VTN: variants seen among roughly 807,000 people sequenced by gnomAD.
The protein encoded by VTN is vitronectin, also known as complement S-protein.
VTN carries 45 observed loss-of-function variants against 55.9 expected under a neutral mutation model. The ratio of observed to expected loss-of-function variants is 0.80; its 90% confidence interval spans 0.63 to 1.03. The LOEUF is 1.03. Among genes scored for constraint, VTN ranks in the 50% least tolerant of loss-of-function variants. The pLI, the probability that VTN is intolerant of heterozygous loss-of-function variation, is 0.00. For synonymous variants in VTN, 238 were observed against 242.3 expected (o/e 0.98, Z 0.17); for missense variants, 589 against 638.2 (o/e 0.92, Z 0.83).
Position 28,368,040 on chromosome 17 carries a change from C to T in VTN, c.999G>A (p.Gln333=). 1 of 1,582,138 alleles carries T rather than the reference C, an allele frequency of 6.3e-7. No individual in the cohort carries two copies. Among genetic ancestry groups the T allele is most frequent in the Non-Finnish European group, 8.6e-7 (1 of 1,163,672 alleles). The change falls in exon 7 of 8, where the codon CAG becomes CAA. Residue 333 remains glutamine (Q), a synonymous_variant. Transcript: ENST00000226218. ...CACCGTGCCAGTCCCGGCTAATGAA[C>T]TGGGGCTGTCTGGTACCAGCTGTGG... ...GRTSAGTRQP[Q]FISRDWHGVP...
rs200008646 is a variant in VTN at position 28,368,946 on chromosome 17, G to A, written c.752C>T (p.Pro251Leu). 197 of 1,603,712 alleles carry A rather than the reference G, an allele frequency of 1.2e-4. No homozygotes were observed. The East Asian group carries it at 2.9e-3, about 23-fold the overall frequency. ...GGCCAAGGCTGCATCCACGTTGTCC[G>A]GGATGCCATCGAAGCCGTCAGAGAT... ...RNISDGFDGIPDNVDAALALP... is the reference protein window; with the variant it reads ...RNISDGFDGILDNVDAALALP... The change falls in exon 5 of 8, where the codon CCG (proline) becomes CTG (leucine). Residue 251 changes from proline to leucine, a missense_variant. By Grantham distance (98) the Pro-to-Leu change is moderately conservative. Around this residue, in one of 3 missense-constraint regions of VTN, gnomAD observed 334 missense variants for 328.2 expected, o/e 1.02. Transcript: ENST00000226218.
At position 28,369,043 on chromosome 17, in the gene VTN, A is replaced by T. The variant is rs781979507; in HGVS notation, c.670-15T>A. ...TACTGACTACCCTAAGAGGTGGGGA[A>T]AGTGAAAAGGGGTATGGAGGCCGCT... On this transcript the variant is annotated splice_polypyrimidine_tract_variant and intron_variant, in intron 4 of 7. Coordinates refer to ENST00000226218, the MANE Select transcript of VTN (RefSeq NM_000638.4). This position sits in a 1 kb window ranked among gnomAD's most constrained non-coding sequence, Gnocchi z 5.3. 1 of 1,573,656 alleles carries T rather than the reference A, an allele frequency of 6.4e-7. No individual in the cohort carries two copies. Among genetic ancestry groups the T allele is most frequent in the East Asian group, 2.2e-5 (1 of 44,578 alleles).
In VTN at chr17:28,369,394, C is replaced by T; in HGVS notation, c.564G>A (p.Val188=). 1 of 1,603,352 alleles carries T rather than the reference C, an allele frequency of 6.2e-7. No individual in the cohort carries two copies. The highest frequency in any genetic ancestry group is 1.1e-5 in the South Asian group (1 of 90,548). Reference sequence around the variant, plus strand: ...GGATGAGCTTGGGGTACCCAGGCCTCACTGCCTTTTCGTCCAGTTCATAGC... The same window carrying T: ...GGATGAGCTTGGGGTACCCAGGCCTTACTGCCTTTTCGTCCAGTTCATAGC... The part of the protein sequence containing the change: ...QYCYELDEKA[V]RPGYPKLIRD... The change falls in exon 4 of 8, where the codon GTG becomes GTA. Residue 188 remains valine, a synonymous_variant. Coordinates refer to ENST00000226218, the MANE Select transcript of VTN (RefSeq NM_000638.4). This position sits in a 1 kb window ranked among gnomAD's most constrained non-coding sequence, Gnocchi z 5.3.
At chr17:28,368,446 G>A (rs111249973) in intron 6 of VTN, 75 bp downstream of exon 6, 17,644 of 1,573,992 alleles carry the variant, frequency 0.011, 121 homozygotes, top group Non-Finnish European at 0.013. Context: ...GCCCCCTCCA[G>A]CCGGCCTGGC....
At position 28,369,640 on chromosome 17, in the gene VTN, A is replaced by G; in HGVS notation, c.396T>C (p.Pro132=). 1.9e-6 allele frequency: 3 copies of G among 1,613,682 alleles called. No homozygotes were observed. The highest frequency in any genetic ancestry group is 2.5e-6 in the Non-Finnish European group (3 of 1,179,982). ...TCTCAGGCCTTGAGTCTATCCCCTC[A>G]GGCTTAGAGGCGCCCACCTCAGGCG... The part of the protein sequence containing the change: ...APAPEVGASK[P]EGIDSRPETL... Residue 132 remains proline, a synonymous_variant, in exon 3 of 8, where the codon CCT becomes CCC. Transcript: ENST00000226218. This position sits in a 1 kb window ranked among gnomAD's most constrained non-coding sequence, Gnocchi z 5.3.
At position 28,368,656 on chromosome 17, in the gene VTN, A is replaced by G. The variant is rs2067927688; in HGVS notation, c.844T>C (p.Tyr282His). The G allele has an allele frequency of 6.2e-7, 1 of 1,613,432 alleles. No homozygotes were observed. The highest frequency in any genetic ancestry group is 8.5e-7 in the Non-Finnish European group (1 of 1,179,940). Reference protein sequence around the residue: ...YFFKGKQYWEYQFQHQPSQEE... With the variant: ...YFFKGKQYWEHQFQHQPSQEE... ...TGACTGGGCTGGTGCTGGAACTGGTACTCCCAGTACTGTTTCCCTGAGGAG... is the reference window on the plus strand; with the variant it reads ...TGACTGGGCTGGTGCTGGAACTGGTGCTCCCAGTACTGTTTCCCTGAGGAG... Residue 282 changes from tyrosine (Y) to histidine (H), a missense_variant, in exon 6 of 8, where the codon TAC (tyrosine) becomes CAC (histidine). By Grantham distance (83) the Tyr-to-His change is moderately conservative. Transcript: ENST00000226218.
chr17:28,367,442 T>C lies in VTN; in HGVS notation c.1364A>G (p.Asp455Gly), dbSNP rs782468195. ...YRVNLRTRRV[D>G]TVDPPYPRSI... ...GCGTGGGTAGGGAGGGTCCACAGTG[T>C]CCACTCGCCGTGTGCGAAGATTGAC... Residue 455 changes from aspartate (D) to glycine (G), a missense_variant, in exon 8 of 8, where the codon GAC becomes GGC. Asp to Gly is a moderately conservative substitution (Grantham distance 94, BLOSUM62 -1). This residue lies in a region of VTN where 334 missense variants were observed against 328.2 expected (regional missense o/e 1.02). Coordinates refer to ENST00000226218, the MANE Select transcript of VTN (RefSeq NM_000638.4). 1 of 1,613,430 alleles carries C rather than the reference T, an allele frequency of 6.2e-7. No homozygotes were observed. Among genetic ancestry groups the C allele is most frequent in the Admixed American group, 1.7e-5 (1 of 59,796 alleles).
chr17:28,368,510 T>C lies in VTN; in HGVS notation c.979+11A>G, dbSNP rs1555583394. 3.1e-6 allele frequency: 5 copies of C among 1,613,182 alleles called. No homozygotes were observed. The highest frequency in any genetic ancestry group is 1.1e-5 in the South Asian group (1 of 91,070). ...TTTGAGGGAGAAGCAAGACTTGCCC[T>C]CTCTCCATACCAGAGGTTCTGCCCC... On this transcript the variant is annotated intron_variant, in intron 6 of 7. Transcript: ENST00000226218.
Position 28,369,218 on chromosome 17 carries a change from C to T in VTN, c.669+71G>A. 6.6e-7 allele frequency: 1 copy of T among 1,523,656 alleles called. No homozygotes were observed. Among genetic ancestry groups the T allele is most frequent in the Non-Finnish European group, 8.8e-7 (1 of 1,135,428 alleles). The allele number at this position is 1,523,656 out of a possible 1,614,324, so 94.4% of individuals were successfully genotyped here. On this transcript the variant is annotated intron_variant, in intron 4 of 7. Coordinates refer to ENST00000226218, the MANE Select transcript of VTN (RefSeq NM_000638.4). The surrounding 1 kb of genome is among the most constrained non-coding windows in gnomAD (Gnocchi z 5.3). ...CCCTGGGTCCAGCTTCCCTGTCCAC[C>T]CTGTCCCTGGGAGCAATAGCTCTCA...
At chr17:28,368,728 T>C in intron 5 of VTN, 55 bp from the exon 6 acceptor site, 1 of 1,609,738 alleles carries the variant, frequency 6.2e-7, no homozygotes. Flanking sequence ...AGACTGGAGA[T>C]CCCAGAGGCT....
Position 28,370,105 on chromosome 17 carries a change from C to T in VTN, c.64+35G>A, listed in dbSNP as rs2067940263. 3 of 1,613,602 alleles carry T rather than the reference C, an allele frequency of 1.9e-6. No individual in the cohort carries two copies. In the East Asian group the frequency reaches 6.7e-5, roughly 36 times the overall value. On this transcript the variant is annotated intron_variant, in intron 1 of 7. Transcript: ENST00000226218. ...GCCCAGACCACCCTCGCCCTCCCTA[C>T]ATTGACCCAGATGGCCACCAACACT...
chr17:28,369,492 C>T lies in VTN; in HGVS notation c.529+15G>A. The T allele has an allele frequency of 6.3e-7, 1 of 1,597,940 alleles. No individual in the cohort carries two copies. The highest frequency in any genetic ancestry group is 8.5e-7 in the Non-Finnish European group (1 of 1,173,010). On this transcript the variant is annotated intron_variant, in intron 3 of 7. Transcript: ENST00000226218. This position sits in a 1 kb window ranked among gnomAD's most constrained non-coding sequence, Gnocchi z 5.3. ...TGGGGCAGACCCGCATCCCCAGTAC[C>T]TGCCCTGGATTCACCTCGGAAGGCA... is the stretch of plus-strand genomic sequence containing the variant.
In VTN at chr17:28,369,467, T is replaced by TG; in HGVS notation, c.529+39dup. 3 of 1,591,114 alleles carry TG rather than the reference T, an allele frequency of 1.9e-6. No homozygotes were observed. Among genetic ancestry groups the TG allele is most frequent in the Non-Finnish European group, 2.6e-6 (3 of 1,167,938 alleles). ...GATGGTGTGAGAGCAGGGACGCTCCTGGGGCAGACCCGCATCCCCAGTACC... is the reference window on the plus strand; with the variant it reads ...GATGGTGTGAGAGCAGGGACGCTCCTGGGGGCAGACCCGCATCCCCAGTACC... On this transcript the variant is annotated intron_variant, in intron 3 of 7. Coordinates refer to ENST00000226218, the MANE Select transcript of VTN (RefSeq NM_000638.4). The surrounding 1 kb of genome is among the most constrained non-coding windows in gnomAD (Gnocchi z 5.3).
Position 28,369,622 on chromosome 17 carries a change from C to G in VTN, c.414G>C (p.Arg138Ser). 6.2e-7 allele frequency: 1 copy of G among 1,613,722 alleles called. No homozygotes were observed. The highest frequency in any genetic ancestry group is 8.5e-7 in the Non-Finnish European group (1 of 1,180,020). Residue 138 changes from arginine to serine, a missense_variant, in exon 3 of 8, where the codon AGG becomes AGC. Arg to Ser is a moderately radical substitution (Grantham distance 110). Around this residue, in one of 3 missense-constraint regions of VTN, gnomAD observed 217 missense variants for 241.3 expected, o/e 0.90. Transcript: ENST00000226218. The surrounding 1 kb of genome is among the most constrained non-coding windows in gnomAD (Gnocchi z 5.3). ...GTCTCCCTGGATGAAGGGTCTCAGG[C>G]CTTGAGTCTATCCCCTCAGGCTTAG... ...GASKPEGIDS[R>S]PETLHPGRPQ...
In VTN at chr17:28,370,197, G is replaced by T; in HGVS notation, c.7C>A (p.Pro3Thr). The change falls in exon 1 of 8, where the codon CCC becomes ACC. Residue 3 changes from proline to threonine, a missense_variant. Pro to Thr is a conservative substitution (Grantham distance 38). Transcript: ENST00000226218. MA[P>T]LRPLLILALL... Reference sequence around the variant, plus strand: ...GCCAGTATGAGAAGGGGTCTCAGGGGTGCCATGGCAGGGCTTCTAGCTCAG... The same window carrying T: ...GCCAGTATGAGAAGGGGTCTCAGGGTTGCCATGGCAGGGCTTCTAGCTCAG... 1.2e-6 allele frequency: 2 copies of T among 1,612,828 alleles called. No homozygotes were observed. Among genetic ancestry groups the T allele is most frequent in the Non-Finnish European group, 1.7e-6 (2 of 1,179,136 alleles).
In VTN at chr17:28,369,612, G is replaced by A. The variant is rs2142416408; in HGVS notation, c.424C>T (p.Leu142Phe). 1 of 1,613,674 alleles carries A rather than the reference G, an allele frequency of 6.2e-7. No homozygotes were observed. Among genetic ancestry groups the A allele is most frequent in the Non-Finnish European group, 8.5e-7 (1 of 1,180,026 alleles). ...PEGIDSRPET[L>F]HPGRPQPPAE... is the part of the protein sequence containing the mutation. ...GGGGGCTGAGGTCTCCCTGGATGAA[G>A]GGTCTCAGGCCTTGAGTCTATCCCC... The change falls in exon 3 of 8, where the codon CTT (leucine) becomes TTT (phenylalanine). Residue 142 changes from leucine (L) to phenylalanine (F), a missense_variant. Transcript: ENST00000226218. The surrounding 1 kb of genome is among the most constrained non-coding windows in gnomAD (Gnocchi z 5.3).
Position 28,368,968 on chromosome 17 carries a change from A to G in VTN, c.730T>C (p.Ser244Pro). The change falls in exon 5 of 8, where the codon TCT (serine) becomes CCT (proline). Residue 244 changes from serine (S) to proline (P), a missense_variant. Physicochemically the swap from Ser to Pro is moderately conservative, Grantham distance 74 (BLOSUM62 -1). Coordinates refer to ENST00000226218, the MANE Select transcript of VTN (RefSeq NM_000638.4). ...TCCGGGATGCCATCGAAGCCGTCAG[A>G]GATATTTCGGGGGTAATCAGGGTCC... ...VLDPDYPRNI[S>P]DGFDGIPDNV... The G allele has an allele frequency of 6.2e-7, 1 of 1,604,262 alleles. No individual in the cohort carries two copies.
Position 28,367,752 on chromosome 17 carries a change from G to A in VTN, c.1287C>T (p.Thr429=). 4.3e-6 allele frequency: 7 copies of A among 1,613,884 alleles called. No individual in the cohort carries two copies. The highest frequency in any genetic ancestry group is 5.9e-6 in the Non-Finnish European group (7 of 1,179,984). The stretch of plus-strand genomic sequence containing the variant: ...AGAAGACACTCTGGATGGGTTCACA[G>A]GTGGCAGGCACAAGCCAGTCCATCC... ...DYRMDWLVPA[T]CEPIQSVFFF... The change falls in exon 7 of 8, where the codon ACC becomes ACT. Residue 429 remains threonine (T), a synonymous_variant. Coordinates refer to ENST00000226218, the MANE Select transcript of VTN (RefSeq NM_000638.4).
chr17:28,369,325 G>A lies in VTN; in HGVS notation c.633C>T (p.Thr211=), dbSNP rs781919862. 16 of 1,605,754 alleles carry A rather than the reference G, an allele frequency of 1.0e-5. No homozygotes were observed. In the African/African-American group the frequency reaches 1.6e-4, roughly 16 times the overall value. Residue 211 remains threonine, a synonymous_variant, in exon 4 of 8, where the codon ACC becomes ACT. Coordinates refer to ENST00000226218, the MANE Select transcript of VTN (RefSeq NM_000638.4). This position sits in a 1 kb window ranked among gnomAD's most constrained non-coding sequence, Gnocchi z 5.3. ...GIEGPIDAAF[T]RINCQGKTYL... is the part of the protein sequence containing the mutation. ...AGGTCTTCCCCTGACAGTTGATGCG[G>A]GTGAAGGCGGCATCGATGGGGCCCT...
Sources: allele counts gnomAD v4.1 joint callset, GRCh38; gene constraint gnomAD v4.1.1; regional missense constraint gnomAD v4.1.1; non-coding constraint Gnocchi (gnomAD v3.1); transcripts MANE v1.5; gene names NCBI Gene and HGNC (gene_info 2026-07-23, HGNC 2026-07-21).